The following URI1 variants were observed in gnomAD, a reference collection of about 807,000 sequenced individuals.
URI1 encodes unconventional prefoldin RPB5 interactor 1.
In URI1, 39 loss-of-function variants were observed where a neutral mutation model predicts 60.2. The ratio of observed to expected loss-of-function variants is 0.65; its 90% CI spans 0.50 to 0.85. The LOEUF is 0.85. URI1 is among the 40% of genes least tolerant of loss of function. The pLI is 0.00. For synonymous variants in URI1, 251 were observed against 236.8 expected (o/e 1.06, Z -0.55); for missense variants, 691 against 665.9 (o/e 1.04, Z -0.42).
At chr19:29,967,699 G>A (rs1189266188) in intron 1 of URI1, among the ~76,000 whole-genome samples, 1 of 152,214 alleles carries the variant, frequency 6.6e-6, no homozygotes, top group Non-Finnish European at 1.5e-5. Flanking sequence ...CTGTTATCCA[G>A]TAAGCCGCAT....
Position 30,016,385 on chromosome 19 carries a change from G to A in URI1, c.*1316G>A, listed in dbSNP as rs962979164. 4 of 152,048 alleles carry A rather than the reference G, an allele frequency of 2.6e-5. No homozygotes were observed. The highest frequency in any genetic ancestry group is 5.9e-5 in the Non-Finnish European group (4 of 67,950). The allele number at this position is 152,048 out of a possible 1,614,324, so 9.4% of individuals were successfully genotyped here. A position where few individuals can be genotyped will look rare whatever the true frequency, so the allele number is the denominator to read the frequency against. On this transcript the variant is annotated 3_prime_UTR_variant, in exon 11 of 11. Transcript: ENST00000392271. ...TCTTTAGTAAATTTAGATCAACTAT[G>A]CATATATTTTGTAGGTAAATCTTTC...
intron 8 of URI1, 62 bp downstream of exon 8, chr19:30,009,415 T>C: frequency 7.1e-7 from 1 of 1,403,968 alleles, no homozygotes; most frequent in South Asian, 1.3e-5. Context: ...ATTATGATAT[T>C]TTTTAGAAGA....
chr19:29,927,003 G>A (rs548146326), intron 1 of URI1, among the ~76,000 whole-genome samples: 8 of 152,290 alleles, frequency 5.3e-5, no homozygotes, highest in East Asian at 3.9e-4. Flanking sequence ...TGTGGGGGCC[G>A]TGGACTCCAC....
chr19:29,992,220 C>T (rs1156261723), intron 4 of URI1, among the ~76,000 whole-genome samples: 1 of 152,150 alleles, frequency 6.6e-6, no homozygotes, highest in Non-Finnish European at 1.5e-5. Context: ...CAGGCGAGTG[C>T]CACCATGCCC....
intron 6 of URI1, among the ~76,000 whole-genome samples, chr19:30,006,237 C>T (rs2055941064): frequency 6.6e-6 from 1 of 152,084 alleles, no homozygotes; most frequent in African/African-American, 2.4e-5. Context: ...TTTGGGTTTA[C>T]TTCTGTAAAG....
Position 30,012,316 on chromosome 19 carries a change from G to T in URI1, c.1210G>T (p.Val404Phe). The T allele has an allele frequency of 1.2e-6, 2 of 1,614,126 alleles. No homozygotes were observed. Among genetic ancestry groups the T allele is most frequent in the Non-Finnish European group, 1.7e-6 (2 of 1,179,968 alleles). Reference protein sequence around the residue: ...AFVDVVNGEYVPRKSILKSRS... With the variant: ...AFVDVVNGEYFPRKSILKSRS... The stretch of plus-strand genomic sequence containing the variant: ...TGTTGATGTTGTGAATGGAGAATAT[G>T]TCCCTCGCAAATCCATCCTGAAGTC... Residue 404 changes from valine to phenylalanine, a missense_variant, in exon 10 of 11, where the codon GTC becomes TTC. Transcript: ENST00000392271.
chr19:29,989,698 A>G (rs2145387877), intron 4 of URI1, among the ~76,000 whole-genome samples: 1 of 151,918 alleles, frequency 6.6e-6, no homozygotes, highest in East Asian at 1.9e-4. Flanking sequence ...TGGCCTCCCA[A>G]AGTGCTGAGA....
upstream of URI1, among the ~76,000 whole-genome samples, chr19:29,939,541 T>C (rs1034940336): frequency 2.0e-5 from 3 of 152,212 alleles, no homozygotes; most frequent in African/African-American, 4.8e-5. Context: ...CCCAAAGTGC[T>C]GGGATTACAG....
chr19:29,970,851 T>C (rs113594749), intron 1 of URI1, among the ~76,000 whole-genome samples: 21 of 152,282 alleles, frequency 1.4e-4, no homozygotes, highest in African/African-American at 3.8e-4. Context: ...CATTTATGTA[T>C]TCTACAAAAT....
chr19:30,005,661 ATAT>A lies in URI1; in HGVS notation c.472_474del (p.Ile158del), dbSNP rs1568444129. On this transcript the variant is annotated inframe_deletion, in exon 6 of 11. Transcript: ENST00000392271. ...TTGTTTAAAAACCAGGCTGCAGGTG[ATAT>A]TGTTGACATACGAGAAGAAATTAAA... The A allele has an allele frequency of 6.2e-7, 1 of 1,611,232 alleles. No homozygotes were observed. Among genetic ancestry groups the A allele is most frequent in the African/African-American group, 1.3e-5 (1 of 74,702 alleles).
intron 1 of URI1, among the ~76,000 whole-genome samples, chr19:29,943,440 G>A (rs1169990068): frequency 6.6e-6 from 1 of 152,094 alleles, no homozygotes. Context: ...GATTGATTCT[G>A]TCCCCTCAAG....
intron 1 of URI1, among the ~76,000 whole-genome samples, chr19:29,954,727 A>C (rs941078945): frequency 3.3e-5 from 5 of 152,054 alleles, no homozygotes; most frequent in Non-Finnish European, 5.9e-5. Flanking sequence ...CATGTTCGCC[A>C]GGGTGGTTTC....
At chr19:29,961,061 A>T (rs1007826850) in intron 1 of URI1, among the ~76,000 whole-genome samples, 1 of 151,784 alleles carries the variant, frequency 6.6e-6, no homozygotes, top group South Asian at 2.1e-4. Flanking sequence ...GGGACTCACT[A>T]TGTTGCCCAG....
rs1450068109 is a variant in URI1, at chr19:30,015,512, T to TA, written c.*450dup. ...TTGCTTTCACATTTTAAAGGCACTT[T>TA]AAAAAAATCTACTTCTCTTGTAGGT... On this transcript the variant is annotated 3_prime_UTR_variant, in exon 11 of 11. Transcript: ENST00000392271. 6.5e-6 allele frequency: 10 copies of TA among 1,527,038 alleles called. No individual in the cohort carries two copies. The highest frequency in any genetic ancestry group is 4.9e-5 in the East Asian group (2 of 40,832). The allele number at this position is 1,527,038 out of a possible 1,614,324, so 94.6% of individuals were successfully genotyped here. A position where few individuals can be genotyped will look rare whatever the true frequency, so the allele number is the denominator to read the frequency against.
upstream of URI1, among the ~76,000 whole-genome samples, chr19:29,940,797 G>A (rs984157729): frequency 3.3e-5 from 5 of 152,268 alleles, no homozygotes; most frequent in Middle Eastern, 3.4e-3. Flanking sequence ...ATGTGGTCGC[G>A]GGTTAAGCCC....
In URI1 at chr19:30,009,074, C is replaced by A. The variant is rs780549472; in HGVS notation, c.756C>A (p.Asn252Lys). ...TSSEEEKEDR[N>K]TNVNAMHQVT... ...CTGAAGAGGAAAAGGAAGATCGTAA[C>A]ACAAATGTGAATGCGATGCATCAAG... The change falls in exon 8 of 11, where the codon AAC becomes AAA. Residue 252 changes from asparagine (N) to lysine (K), a missense_variant. Transcript: ENST00000392271. The A allele has an allele frequency of 9.9e-6, 16 of 1,613,746 alleles. No homozygotes were observed. Among genetic ancestry groups the A allele is most frequent in the Non-Finnish European group, 1.3e-5 (15 of 1,179,916 alleles).
At chr19:29,949,858 C>T (rs902722567) in intron 1 of URI1, among the ~76,000 whole-genome samples, 19 of 151,346 alleles carry the variant, frequency 1.3e-4, no homozygotes, top group African/African-American at 4.6e-4. Flanking sequence ...GAGATGGCGG[C>T]AGTACAGTCC....
rs1018855435 is a variant in URI1 at position 30,016,487 on chromosome 19, C to T, written c.*1418C>T. The T allele has an allele frequency of 1.3e-5, 2 of 152,114 alleles. No homozygotes were observed. The highest frequency in any genetic ancestry group is 4.8e-5 in the African/African-American group (2 of 41,432). The allele number at this position is 152,114 out of a possible 1,614,324, so 9.4% of individuals were successfully genotyped here. A position where few individuals can be genotyped will look rare whatever the true frequency, so the allele number is the denominator to read the frequency against. On this transcript the variant is annotated 3_prime_UTR_variant, in exon 11 of 11. Coordinates refer to ENST00000392271, the MANE Select transcript of URI1 (RefSeq NM_003796.3). ...GATGCTCCCGTTAGGAATTGCTATT[C>T]ACATGAGGCTTTCTGTGCTAGATTT...
Position 30,012,414 on chromosome 19 carries a change from A to G in URI1, c.1308A>G (p.Gly436=), listed in dbSNP as rs1007847700. 6.2e-7 allele frequency: 1 copy of G among 1,614,080 alleles called. No homozygotes were observed. Among genetic ancestry groups the G allele is most frequent in the Non-Finnish European group, 8.5e-7 (1 of 1,179,996 alleles). Residue 436 remains glycine (G), a synonymous_variant, in exon 10 of 11, where the codon GGA becomes GGG. Coordinates refer to ENST00000392271, the MANE Select transcript of URI1 (RefSeq NM_003796.3). The part of the protein sequence containing the change: ...SSAAEFDDRR[G]VLRSISCEEA... ...CTGCTGAATTTGATGATAGGCGGGGAGTTTTGAGGAGTATCAGCTGCGAAG... is the reference window on the plus strand; with the variant it reads ...CTGCTGAATTTGATGATAGGCGGGGGGTTTTGAGGAGTATCAGCTGCGAAG...
Sources: allele counts gnomAD v4.1 joint callset (sites outside exome capture counted in the v4.1 genomes callset), GRCh38; gene constraint gnomAD v4.1.1; transcripts MANE v1.5; gene names NCBI Gene and HGNC (gene_info 2026-07-23, HGNC 2026-07-21).